The following KANK1 variants were observed in gnomAD, a reference collection of about 807,000 sequenced individuals.
The protein encoded by KANK1 is KN motif and ankyrin repeat domains 1.
Under a neutral mutation model 106.2 loss-of-function variants are expected in KANK1, and 109 were observed. The observed-to-expected ratio is 1.03, with a 90% CI of 0.88 to 1.20. The LOEUF (loss-of-function observed/expected upper bound fraction) is 1.20, where lower values mean the gene tolerates loss of function less well. Among genes scored for constraint, KANK1 ranks in the 50% most tolerant of loss-of-function variants. KANK1 has a pLI of 0.00. For missense variants in KANK1, 2,399 were observed against 1,710.7 expected, an observed-to-expected ratio of 1.40 and a Z score of -7.10; for synonymous variants, 873 against 652.2, an observed-to-expected ratio of 1.34 and a Z score of -5.16.
intron 2 of KANK1, among the ~76,000 whole-genome samples, chr9:686,496 G>A (rs1818603644): frequency 6.6e-6 from 1 of 152,172 alleles, no homozygotes; most frequent in Non-Finnish European, 1.5e-5. Flanking sequence ...GAACACGCTA[G>A]GGTGGAGACC....
intron 1 of KANK1, among the ~76,000 whole-genome samples, chr9:580,864 G>A (rs1335014950): frequency 6.6e-6 from 1 of 152,212 alleles, no homozygotes; most frequent in Non-Finnish European, 1.5e-5. Context: ...GGAGCCCACG[G>A]CATCTGGGGG....
At chr9:738,582 C>T (rs1301441383) in intron 8 of KANK1, 78 bp downstream of exon 8, 1 of 1,142,310 alleles carries the variant, frequency 8.8e-7, no homozygotes, top group Admixed American at 1.8e-5. Context: ...CTGGTTGAGC[C>T]ACTCCTGAAT....
At chr9:713,936 A>T (rs144260433) in intron 3 of KANK1, among the ~76,000 whole-genome samples, 137 of 152,312 alleles carry the variant, frequency 9.0e-4, no homozygotes, top group African/African-American at 3.2e-3. Context: ...TCTTTAATTC[A>T]GCAAATAATT....
intron 2 of KANK1, among the ~76,000 whole-genome samples, chr9:687,538 C>A (rs1245694168): frequency 6.6e-6 from 1 of 152,186 alleles, no homozygotes; most frequent in Admixed American, 6.5e-5. Context: ...CAGAGACCAG[C>A]TGTATCCAAA....
chr9:650,105 G>A (rs1437472452), intron 1 of KANK1, among the ~76,000 whole-genome samples: 1 of 152,160 alleles, frequency 6.6e-6, no homozygotes, highest in East Asian at 1.9e-4. Context: ...TAAAGGTGGA[G>A]GGATTACTTT....
Position 551,402 on chromosome 9 carries a change from A to G in KANK1, c.-84+46648A>G, listed in dbSNP as rs545477055. 3.9e-5 allele frequency among the ~76,000 whole-genome samples: 6 copies of G among 152,218 alleles called. No homozygotes were observed. The East Asian group carries it at 1.2e-3, about 30-fold the overall frequency. ...AATCTGAAGTTAGCTGTCAGTTTAA[A>G]TTCAGAGGGTCCGCAGTTGTTTTTC... On this transcript the variant is annotated intron_variant, in intron 1 of 11. Coordinates refer to ENST00000382297, the MANE Select transcript of KANK1 (RefSeq NM_015158.5).
intron 7 of KANK1, chr9:735,857 T>C (rs1053670400): frequency 1.9e-5 from 6 of 313,612 alleles, no homozygotes; most frequent in Non-Finnish European, 3.5e-5. Flanking sequence ...TAGCCAGGCA[T>C]GGTGGTACAC....
At chr9:679,008 G>T (rs1816969586) in intron 2 of KANK1, among the ~76,000 whole-genome samples, 1 of 152,064 alleles carries the variant, frequency 6.6e-6, no homozygotes. Flanking sequence ...TTTCCAACTT[G>T]GTTTGTTCTG....
At chr9:583,655 T>C (rs1485716142) in intron 1 of KANK1, among the ~76,000 whole-genome samples, 3 of 150,960 alleles carry the variant, frequency 2.0e-5, no homozygotes, top group Non-Finnish European at 4.4e-5. Flanking sequence ...TTTCTCTCCA[T>C]TATCAAGGAT....
rs1354044082 is a variant in KANK1, at chr9:613,961, T to C, written c.-83-62929T>C. ...CCTACAGGAAAGAGTAGTTCTCCTT[T>C]TTCTCCTCCCCTCTTATTTGAGGCC... On this transcript the variant is annotated intron_variant, in intron 1 of 11. Coordinates refer to ENST00000382297, the MANE Select transcript of KANK1 (RefSeq NM_015158.5). Among the ~76,000 whole-genome samples, 3 of 152,138 alleles carry C rather than the reference T, an allele frequency of 2.0e-5. No homozygotes were observed. In the East Asian group the frequency reaches 5.8e-4, roughly 29 times the overall value.
intron 3 of KANK1, among the ~76,000 whole-genome samples, chr9:719,360 C>G (rs1445825783): frequency 1.3e-5 from 2 of 152,148 alleles, no homozygotes; most frequent in Admixed American, 6.5e-5. Flanking sequence ...TGAAAGGACT[C>G]CATAATGAAT....
Position 658,746 on chromosome 9 carries a change from T to C in KANK1, c.-83-18144T>C, listed in dbSNP as rs972762003. On this transcript the variant is annotated intron_variant, in intron 1 of 11. Coordinates refer to ENST00000382297, the MANE Select transcript of KANK1 (RefSeq NM_015158.5). Reference sequence around the variant, plus strand: ...GTTGAAAAGACTTTCCTTCCTTTTCTGAAAGAGTTTTTCTTTTCTGAAATG... The same window carrying C: ...GTTGAAAAGACTTTCCTTCCTTTTCCGAAAGAGTTTTTCTTTTCTGAAATG... 4.6e-5 allele frequency among the ~76,000 whole-genome samples: 7 copies of C among 152,366 alleles called. No individual in the cohort carries two copies. The South Asian group carries it at 1.4e-3, about 32-fold the overall frequency.
intron 1 of KANK1, among the ~76,000 whole-genome samples, chr9:662,163 A>T (rs567352865): frequency 2.0e-5 from 3 of 152,278 alleles, no homozygotes; most frequent in African/African-American, 7.2e-5. Flanking sequence ...ACCACTGCTC[A>T]ACAAAATAAA....
At chr9:520,743 A>T (rs977360394) in intron 1 of KANK1, among the ~76,000 whole-genome samples, 3 of 151,788 alleles carry the variant, frequency 2.0e-5, no homozygotes, top group Admixed American at 6.6e-5. Flanking sequence ...TAGTTTTTGG[A>T]CAGGACTGAT....
intron 3 of KANK1, among the ~76,000 whole-genome samples, chr9:717,414 G>A (rs995701934): frequency 2.6e-5 from 4 of 152,192 alleles, no homozygotes; most frequent in East Asian, 1.9e-4. Flanking sequence ...ATGCTTGCAC[G>A]TCTGTATTTT....
upstream of KANK1, among the ~76,000 whole-genome samples, chr9:504,532 A>T (rs1408890197): frequency 6.6e-6 from 1 of 151,178 alleles, no homozygotes; most frequent in Non-Finnish European, 1.5e-5. Context: ...CGTTCTTCTC[A>T]CGCGCCGCTC....
chr9:732,410 C>G lies in KANK1; in HGVS notation c.3038C>G (p.Ser1013Ter). ...YETTSSDDSS[S>*]DESSSSESDD... ...ACAACTTCAAGTGATGATTCCAGCT[C>G]AGATGAAAGCTCTTCTTCCGAGTCA... is the stretch of plus-strand genomic sequence containing the variant. Residue 1013 changes from serine (S) to a stop codon, truncating the protein, a stop_gained, in exon 6 of 12, where the codon TCA becomes TGA. Coordinates refer to ENST00000382297, the MANE Select transcript of KANK1 (RefSeq NM_015158.5). LOFTEE classifies it high-confidence loss of function. 1 of 1,614,010 alleles carries G rather than the reference C, an allele frequency of 6.2e-7. No homozygotes were observed. Among genetic ancestry groups the G allele is most frequent in the Non-Finnish European group, 8.5e-7 (1 of 1,179,900 alleles).
intron 1 of KANK1, among the ~76,000 whole-genome samples, chr9:516,982 ATTC>A (rs1252111297): frequency 8.4e-6 from 1 of 119,654 alleles, no homozygotes; most frequent in Admixed American, 9.1e-5. Context: ...TGTGGTTTCT[ATTC>A]TTCATCACCC....
At chr9:707,502 T>G (rs1245901596) in intron 2 of KANK1, among the ~76,000 whole-genome samples, 2 of 148,112 alleles carry the variant, frequency 1.4e-5, no homozygotes, top group Non-Finnish European at 3.0e-5. Context: ...GTCTGGCTGC[T>G]GCAGCTTCTC....
Sources: gnomAD v4.1 joint callset for allele counts (sites outside exome capture counted in the v4.1 genomes callset) on GRCh38, gnomAD v4.1.1 for gene constraint, MANE v1.5 for transcripts, NCBI Gene and HGNC (gene_info 2026-07-23, HGNC 2026-07-21) for gene names.